Variants in EFCAB3 observed in about 807,000 individuals in gnomAD.
EFCAB3 encodes the protein EF-hand calcium-binding domain-containing protein 3.
In EFCAB3, 36 loss-of-function variants were observed where a neutral mutation model predicts 42.2. That is an observed-to-expected ratio of 0.85 (90% confidence interval 0.65 to 1.13). EFCAB3 has a LOEUF of 1.13. Ranked by LOEUF, EFCAB3 falls within the 50% of genes most tolerant of loss-of-function variation. The pLI is 0.00. For synonymous variants in EFCAB3, 170 were observed against 172.8 expected, an observed-to-expected ratio of 0.98 and a Z score of 0.13; for missense variants, 418 against 505.1, an observed-to-expected ratio of 0.83 and a Z score of 1.65.
chr17:62,382,712 A>C (rs140977584), intron 1 of EFCAB3, among the ~76,000 whole-genome samples: 1 of 152,192 alleles, frequency 6.6e-6, no homozygotes, highest in Admixed American at 6.5e-5. Flanking sequence ...TTATTCTTAC[A>C]TAGGATCAGA....
chr17:62,389,472 G>A (rs925657086), intron 3 of EFCAB3, among the ~76,000 whole-genome samples: 12 of 152,104 alleles, frequency 7.9e-5, no homozygotes, highest in South Asian at 4.2e-4. Flanking sequence ...AAATGTGTTC[G>A]TTACAGTGCT....
intron 6 of EFCAB3, chr17:62,397,586 A>G (rs1336847736): frequency 5.0e-6 from 3 of 603,496 alleles, no homozygotes; most frequent in Non-Finnish European, 9.6e-6. Context: ...GGTTGAAACC[A>G]AACAGCCAAA....
intron 8 of EFCAB3, among the ~76,000 whole-genome samples, chr17:62,409,295 G>T (rs1254851219): frequency 6.6e-6 from 1 of 152,056 alleles, no homozygotes. Flanking sequence ...GACCTCAGGT[G>T]ATCCACCTGC....
intron 8 of EFCAB3, among the ~76,000 whole-genome samples, chr17:62,409,784 G>C (rs1457713704): frequency 1.3e-5 from 2 of 151,186 alleles, no homozygotes; most frequent in African/African-American, 4.9e-5. Context: ...TACTGTATAT[G>C]TACTATATTT....
At chr17:62,411,758 A>C (rs1195489082) in intron 8 of EFCAB3, among the ~76,000 whole-genome samples, 1 of 145,134 alleles carries the variant, frequency 6.9e-6, no homozygotes, top group African/African-American at 2.5e-5. Context: ...ACCAAGCAAC[A>C]CTCTGTCTCT....
intron 8 of EFCAB3, among the ~76,000 whole-genome samples, chr17:62,411,286 A>C (rs1044537152): frequency 1.3e-5 from 2 of 152,220 alleles, no homozygotes; most frequent in African/African-American, 4.8e-5. Flanking sequence ...AGACTGTAAA[A>C]CATGTTTTAA....
At chr17:62,391,594 G>T (rs2070302641) in intron 3 of EFCAB3, among the ~76,000 whole-genome samples, 1 of 152,122 alleles carries the variant, frequency 6.6e-6, no homozygotes, top group African/African-American at 2.4e-5. Context: ...TCTTTGGAAA[G>T]CCATCTTACC....
chr17:62,409,673 G>C (rs757206496), intron 8 of EFCAB3, among the ~76,000 whole-genome samples: 1 of 144,292 alleles, frequency 6.9e-6, no homozygotes, highest in Non-Finnish European at 1.5e-5. Context: ...TTCATAACAC[G>C]TTACCATCTA....
intron 4 of EFCAB3, among the ~76,000 whole-genome samples, 199 bp downstream of exon 4, chr17:62,392,164 GTATAT>G (rs942456213): frequency 7.4e-5 from 11 of 148,062 alleles, no homozygotes; most frequent in Non-Finnish European, 1.3e-4. Context: ...ATATATATTT[GTATAT>G]TATATGTTTG....
intron 8 of EFCAB3, among the ~76,000 whole-genome samples, chr17:62,408,940 C>A (rs1312347873): frequency 6.6e-6 from 1 of 152,228 alleles, no homozygotes; most frequent in Non-Finnish European, 1.5e-5. Context: ...TCTCAAATGT[C>A]ACTTTAGGAG....
At chr17:62,414,988 C>T (rs573204847) in intron 9 of EFCAB3, among the ~76,000 whole-genome samples, 1 of 151,996 alleles carries the variant, frequency 6.6e-6, no homozygotes, top group Non-Finnish European at 1.5e-5. Context: ...CCTGTAATCC[C>T]AGCTACTCGG....
At chr17:62,400,793 G>A (rs2070394935) in intron 6 of EFCAB3, among the ~76,000 whole-genome samples, 1 of 152,004 alleles carries the variant, frequency 6.6e-6, no homozygotes, top group African/African-American at 2.4e-5. Flanking sequence ...AGATCCTTGA[G>A]GAATCGCCAC....
At chr17:62,381,916 C>T (rs111423432) in intron 1 of EFCAB3, 5,191 of 345,028 alleles carry the variant, frequency 0.015, 267 homozygotes, top group African/African-American at 0.1. Context: ...GCAGCTCCTG[C>T]TGCTGGTTCC....
In EFCAB3 at chr17:62,407,034, A is replaced by G. The variant is rs759286909; in HGVS notation, c.689A>G (p.Asn230Ser). 1.5e-5 allele frequency: 24 copies of G among 1,575,996 alleles called. No homozygotes were observed. In the African/African-American group the frequency reaches 2.1e-4, roughly 14 times the overall value. The change falls in exon 8 of 10, where the codon AAT becomes AGT. Residue 230 changes from asparagine (N) to serine (S), a missense_variant. Physicochemically the swap from Asn to Ser is conservative, Grantham distance 46 (BLOSUM62 1). Coordinates refer to ENST00000305286, the MANE Select transcript of EFCAB3 (RefSeq NM_173503.4). ...FKFLEELKRC[N>S]SGSDSPYSKI... is the part of the protein sequence containing the mutation. ...TTTGTTTTTATCTTTTTAGGATGCA[A>G]TTCCGGTTCAGATAGCCCATATTCA...
At chr17:62,405,994 ATAAT>A (rs1383969261) in intron 6 of EFCAB3, among the ~76,000 whole-genome samples, 7 of 151,134 alleles carry the variant, frequency 4.6e-5, no homozygotes, top group African/African-American at 1.5e-4. Flanking sequence ...CAAAGTAATA[ATAAT>A]TAATGTTTGC....
chr17:62,408,900 T>C (rs1366070333), intron 8 of EFCAB3, among the ~76,000 whole-genome samples: 1 of 152,198 alleles, frequency 6.6e-6, no homozygotes, highest in Non-Finnish European at 1.5e-5. Context: ...AGCTGCATCA[T>C]AGCTCTCCCC....
At chr17:62,383,160 A>T (rs1376165468) in intron 2 of EFCAB3, 107 bp downstream of exon 2, 1 of 1,051,196 alleles carries the variant, frequency 9.5e-7, no homozygotes, top group East Asian at 2.7e-5. Context: ...TTTACTGGGA[A>T]GCCCCTAAAA....
chr17:62,377,548 C>A (rs1054656730), upstream of EFCAB3, among the ~76,000 whole-genome samples: 1 of 152,122 alleles, frequency 6.6e-6, no homozygotes, highest in South Asian at 2.1e-4. Flanking sequence ...GTTAATTATA[C>A]CCACATATTT....
At chr17:62,412,169 A>T (rs1192760565) in intron 8 of EFCAB3, among the ~76,000 whole-genome samples, 1 of 151,758 alleles carries the variant, frequency 6.6e-6, no homozygotes, top group African/African-American at 2.4e-5. Context: ...TGAGGTCAGG[A>T]GTTCGAGACC....
Sources: gnomAD v4.1 joint callset for allele counts (sites outside exome capture counted in the v4.1 genomes callset) on GRCh38, gnomAD v4.1.1 for gene constraint, MANE v1.5 for transcripts, NCBI Gene and HGNC (gene_info 2026-07-23, HGNC 2026-07-21) for gene names.